Variants in DAB2 observed in about 807,000 individuals in gnomAD.
The protein encoded by DAB2 is DAB adaptor protein 2.
In DAB2, 28 loss-of-function variants were observed where a neutral mutation model predicts 71.6. That is an observed-to-expected ratio of 0.39 (90% CI 0.29 to 0.54). The LOEUF (loss-of-function observed/expected upper bound fraction) is 0.54, where lower values mean the gene tolerates loss of function less well. Among genes scored for constraint, DAB2 ranks in the 20% least tolerant of loss-of-function variants. DAB2 has a pLI of 0.68. For missense variants in DAB2, 867 were observed against 928.8 expected (o/e 0.93, Z 0.86); for synonymous variants, 345 against 339.7 (o/e 1.02, Z -0.17).
intron 2 of DAB2, among the ~76,000 whole-genome samples, chr5:39,393,791 T>A (rs1755292863): frequency 6.6e-6 from 1 of 152,174 alleles, no homozygotes; most frequent in Admixed American, 6.5e-5. Flanking sequence ...AAATTATCAA[T>A]AAGGCAGAAA....
At chr5:39,392,679 TAATTCTCTTGGCCTCAG>T (rs943911995) in intron 3 of DAB2, among the ~76,000 whole-genome samples, 1 of 152,222 alleles carries the variant, frequency 6.6e-6, no homozygotes, top group Non-Finnish European at 1.5e-5. Context: ...CAAGTCACTC[TAATTCTCTTGGCCTCAG>T]AATAGTCACT....
chr5:39,384,504 G>A (rs897849302), intron 9 of DAB2, among the ~76,000 whole-genome samples: 1 of 152,092 alleles, frequency 6.6e-6, no homozygotes, highest in Non-Finnish European at 1.5e-5. Flanking sequence ...GCAGATAAAG[G>A]GGGACTATTG....
intron 1 of DAB2, among the ~76,000 whole-genome samples, chr5:39,404,977 T>G (rs978931602): frequency 6.6e-6 from 1 of 152,162 alleles, no homozygotes; most frequent in Non-Finnish European, 1.5e-5. Context: ...GCAATTGTAT[T>G]TTTGCTTTGT....
At chr5:39,387,303 C>T (rs1315380294) in intron 9 of DAB2, among the ~76,000 whole-genome samples, 2 of 152,164 alleles carry the variant, frequency 1.3e-5, no homozygotes, top group African/African-American at 4.8e-5. Context: ...CCTTTCTAGA[C>T]ATTTCCCCCC....
chr5:39,392,641 A>T (rs1217113825), intron 3 of DAB2, among the ~76,000 whole-genome samples, 178 bp from the exon 4 acceptor site: 1 of 152,174 alleles, frequency 6.6e-6, no homozygotes, highest in Non-Finnish European at 1.5e-5. Context: ...GAACCAGGGC[A>T]TCCCTTAGTT....
intron 1 of DAB2, among the ~76,000 whole-genome samples, chr5:39,400,094 G>A (rs1039353389): frequency 6.6e-6 from 1 of 152,194 alleles, no homozygotes; most frequent in African/African-American, 2.4e-5. Flanking sequence ...AATAACTTGA[G>A]TTAAGGACTT....
intron 1 of DAB2, chr5:39,417,223 C>T (rs994844153): frequency 7.2e-5 from 11 of 152,086 alleles, no homozygotes; most frequent in South Asian, 2.1e-4. Flanking sequence ...ATGCAGCAAA[C>T]CACCATGGCA....
chr5:39,408,833 T>C (rs1755660471), intron 1 of DAB2: 1 of 152,188 alleles, frequency 6.6e-6, no homozygotes, highest in Non-Finnish European at 1.5e-5. Flanking sequence ...TGGCAGTTTG[T>C]TTCCTAGAAT....
At chr5:39,401,746 T>TTTATTTATTTATTTAC (rs1474316722) in intron 1 of DAB2, among the ~76,000 whole-genome samples, 4 of 148,662 alleles carry the variant, frequency 2.7e-5, no homozygotes, top group African/African-American at 9.9e-5. Context: ...TATTTATTTA[T>TTTATTTATTTATTTAC]TTATTTATTT....
At position 39,388,782 on chromosome 5, in the gene DAB2, C is replaced by T. The variant is rs1478955704; in HGVS notation, c.624+17G>A. On this transcript the variant is annotated intron_variant, in intron 8 of 14. Transcript: ENST00000320816. ...CAGATAAGTAAGAACTGTCAAACGT[C>T]ACATATTAATACATACCGATTTCAG... 1.2e-6 allele frequency: 2 copies of T among 1,605,330 alleles called. No homozygotes were observed. Among genetic ancestry groups the T allele is most frequent in the Admixed American group, 3.3e-5 (2 of 59,906 alleles).
intron 1 of DAB2, among the ~76,000 whole-genome samples, chr5:39,414,720 G>A (rs1034041795): frequency 6.6e-6 from 1 of 151,688 alleles, no homozygotes; most frequent in Non-Finnish European, 1.5e-5. Context: ...AAAAAGGGGG[G>A]GGGGTGGTCA....
intron 3 of DAB2, 106 bp from the exon 4 acceptor site, chr5:39,392,569 T>C (rs1339370364): frequency 7.7e-6 from 6 of 777,026 alleles, no homozygotes; most frequent in Non-Finnish European, 1.3e-5. Context: ...CGACTTGATC[T>C]GCCATCGATG....
Position 39,389,935 on chromosome 5 carries a change from G to A in DAB2, c.463-3C>T, listed in dbSNP as rs1247528647. 9 of 1,567,560 alleles carry A rather than the reference G, an allele frequency of 5.7e-6. No individual in the cohort carries two copies. The highest frequency in any genetic ancestry group is 1.9e-5 in the Admixed American group (1 of 52,666). On this transcript the variant is annotated splice_region_variant and splice_polypyrimidine_tract_variant and intron_variant, in intron 5 of 14. Coordinates refer to ENST00000320816, the MANE Select transcript of DAB2 (RefSeq NM_001343.4). ...AGATCAACAACTAATGGTTCAGCCT[G>A]CAGTAAGGGAAAGCACTGTTATCCG...
At chr5:39,390,308 A>G (rs1755197760) in intron 5 of DAB2, 136 bp downstream of exon 5, 1 of 1,152,648 alleles carries the variant, frequency 8.7e-7, no homozygotes, top group Non-Finnish European at 1.2e-6. Flanking sequence ...TAGGCCAATA[A>G]AAATAGTCAT....
chr5:39,383,058 T>TGAAAGGATCGTCACG lies in DAB2; in HGVS notation c.886_900dup (p.Arg296_Phe300dup). The stretch of plus-strand genomic sequence containing the variant: ...GAAGGTGTCGATTGGTCTGGCTGTG[T>TGAAAGGATCGTCACG]GAAAGGATCGTCACGGAAAGGATCA... On this transcript the variant is annotated inframe_insertion, in exon 10 of 15. Transcript: ENST00000320816. 1 of 1,614,080 alleles carries TGAAAGGATCGTCACG rather than the reference T, an allele frequency of 6.2e-7. No individual in the cohort carries two copies. The highest frequency in any genetic ancestry group is 8.5e-7 in the Non-Finnish European group (1 of 1,180,008).
In DAB2 at chr5:39,391,506, G is replaced by A. The variant is rs192827929; in HGVS notation, c.330+859C>T. On this transcript the variant is annotated intron_variant, in intron 4 of 14. Transcript: ENST00000320816. ...AGCAGGCTGAGTGGGGTCCACTAGG[G>A]TGCCAGGGCCCTAGGTTTGCATGGT... Among the ~76,000 whole-genome samples the A allele has an allele frequency of 5.3e-3, 810 of 152,224 alleles. 5 individuals are homozygous for A. The highest frequency in any genetic ancestry group is 0.014 in the Middle Eastern group (4 of 294).
intron 10 of DAB2, 109 bp downstream of exon 10, chr5:39,382,509 A>G: frequency 8.2e-7 from 1 of 1,226,660 alleles, no homozygotes; most frequent in South Asian, 1.5e-5. Context: ...CTTCTATTTC[A>G]CAGCAACACA....
At chr5:39,412,978 G>A (rs1032541023) in intron 1 of DAB2, among the ~76,000 whole-genome samples, 2 of 152,190 alleles carry the variant, frequency 1.3e-5, no homozygotes, top group African/African-American at 4.8e-5. Flanking sequence ...TATAGGGCCT[G>A]TGCTGGGTTA....
intron 11 of DAB2, among the ~76,000 whole-genome samples, chr5:39,378,118 T>C (rs374216529): frequency 6.6e-6 from 1 of 152,188 alleles, no homozygotes; most frequent in Non-Finnish European, 1.5e-5. Flanking sequence ...ATGGCCTGTG[T>C]TGGGGCATCT....
Sources: gnomAD v4.1 joint callset for allele counts (sites outside exome capture counted in the v4.1 genomes callset) on GRCh38, gnomAD v4.1.1 for gene constraint, MANE v1.5 for transcripts, NCBI Gene and HGNC (gene_info 2026-07-23, HGNC 2026-07-21) for gene names.